The following ZCCHC2 variants were observed in gnomAD, a reference collection of about 807,000 sequenced individuals.
The protein encoded by ZCCHC2 is zinc finger CCHC-type containing 2.
Under a neutral mutation model 103.6 loss-of-function variants are expected in ZCCHC2, and 39 were observed. The observed-to-expected ratio is 0.38, with a 90% confidence interval of 0.29 to 0.49. The LOEUF (loss-of-function observed/expected upper bound fraction) is 0.49, where lower values mean the gene tolerates loss of function less well. Among genes scored for constraint, ZCCHC2 ranks in the 20% least tolerant of loss-of-function variants. ZCCHC2 has a pLI of 0.96. For synonymous variants in ZCCHC2, 687 were observed against 608.9 expected (o/e 1.13, Z -1.89); for missense variants, 1,483 against 1,491.0 (o/e 0.99, Z 0.09).
chr18:62,538,343 A>G (rs1915023284), intron 1 of ZCCHC2, among the ~76,000 whole-genome samples: 1 of 151,920 alleles, frequency 6.6e-6, no homozygotes, highest in African/African-American at 2.4e-5. Context: ...AGAGGATTAT[A>G]TAGCACTTTA....
intron 5 of ZCCHC2, among the ~76,000 whole-genome samples, chr18:62,553,711 T>C (rs1915763864): frequency 6.6e-6 from 1 of 152,238 alleles, no homozygotes; most frequent in Non-Finnish European, 1.5e-5. Context: ...ATCTCCCACC[T>C]GAGCAGACTC....
At chr18:62,525,999 T>TG in intron 1 of ZCCHC2, 1 of 152,364 alleles carries the variant, frequency 6.6e-6, no homozygotes, top group East Asian at 1.9e-4. Context: ...TGTCCCACAG[T>TG]GGAACCTCAT....
At chr18:62,534,569 T>C (rs2145490384) in intron 1 of ZCCHC2, among the ~76,000 whole-genome samples, 1 of 152,308 alleles carries the variant, frequency 6.6e-6, no homozygotes, top group Non-Finnish European at 1.5e-5. Context: ...GGAAAGATAA[T>C]TAAACTTTGG....
intron 5 of ZCCHC2, among the ~76,000 whole-genome samples, chr18:62,555,871 G>C (rs1361588997): frequency 6.6e-6 from 1 of 152,010 alleles, no homozygotes; most frequent in Non-Finnish European, 1.5e-5. Flanking sequence ...TAAAGAAATT[G>C]CAGTTGTTTT....
chr18:62,540,647 T>TTATTTTTACTTCA (rs1315742138), intron 2 of ZCCHC2, among the ~76,000 whole-genome samples: 1 of 152,122 alleles, frequency 6.6e-6, no homozygotes, highest in Non-Finnish European at 1.5e-5. Context: ...TAACCTGAAG[T>TTATTTTTACTTCA]GGAGTTGGTT....
At chr18:62,525,059 C>T (rs1037444262) in intron 1 of ZCCHC2, 1 of 151,978 alleles carries the variant, frequency 6.6e-6, no homozygotes, top group African/African-American at 2.4e-5. Context: ...GGAGAGAAAC[C>T]TTTTCTAGCG....
intron 4 of ZCCHC2, among the ~76,000 whole-genome samples, chr18:62,546,265 T>C (rs1915404300): frequency 6.6e-6 from 1 of 152,148 alleles, no homozygotes; most frequent in Non-Finnish European, 1.5e-5. Flanking sequence ...AAGAGTGGCC[T>C]AGACCGGGGC....
At chr18:62,547,312 C>T (rs1368230279) in intron 4 of ZCCHC2, among the ~76,000 whole-genome samples, 1 of 134,678 alleles carries the variant, frequency 7.4e-6, no homozygotes, top group Non-Finnish European at 1.6e-5. Context: ...GCGACAAGAG[C>T]AAAACTCCAT....
In ZCCHC2 at chr18:62,524,087, C is replaced by T; in HGVS notation, c.663C>T (p.Arg221=). Residue 221 remains arginine (R), a synonymous_variant, in exon 1 of 14, where the codon CGC becomes CGT. Coordinates refer to ENST00000269499, the MANE Select transcript of ZCCHC2 (RefSeq NM_017742.6). The part of the protein sequence containing the change: ...EGSRGGAEDE[R]GEDGDGEQDA... Reference sequence around the variant, plus strand: ...CGCGGGGCGGCGCGGAGGACGAGCGCGGCGAGGACGGCGACGGCGAGCAGG... The same window carrying T: ...CGCGGGGCGGCGCGGAGGACGAGCGTGGCGAGGACGGCGACGGCGAGCAGG... 5 of 1,513,698 alleles carry T rather than the reference C, an allele frequency of 3.3e-6. No homozygotes were observed. The South Asian group carries it at 3.7e-5, about 11-fold the overall frequency. The allele number at this position is 1,513,698 out of a possible 1,614,324, so 93.8% of individuals were successfully genotyped here. A position where few individuals can be genotyped will look rare whatever the true frequency, so the allele number is the denominator to read the frequency against.
chr18:62,571,920 CT>C (rs1317863610), intron 12 of ZCCHC2, among the ~76,000 whole-genome samples: 1 of 152,196 alleles, frequency 6.6e-6, no homozygotes, highest in Non-Finnish European at 1.5e-5. Context: ...TTTGCAGTTA[CT>C]TTGTAGTCAT....
In ZCCHC2 at chr18:62,523,323, G is replaced by C. The variant is rs1914134172; in HGVS notation, c.-102G>C. On this transcript the variant is annotated 5_prime_UTR_variant, in exon 1 of 14. Coordinates refer to ENST00000269499, the MANE Select transcript of ZCCHC2 (RefSeq NM_017742.6). ...CCGGCCCTCCCCCGGCGGCATGGAG[G>C]GGCCCCGCTCCTGACGGCCGCGCCG... 1.0e-6 allele frequency: 1 copy of C among 982,820 alleles called. No homozygotes were observed. The highest frequency in any genetic ancestry group is 1.8e-5 in the African/African-American group (1 of 56,636). The allele number at this position is 982,820 out of a possible 1,614,324, so 60.9% of individuals were successfully genotyped here. A position where few individuals can be genotyped will look rare whatever the true frequency, so the allele number is the denominator to read the frequency against.
intron 1 of ZCCHC2, among the ~76,000 whole-genome samples, chr18:62,537,405 A>G (rs1054531474): frequency 6.6e-6 from 1 of 152,104 alleles, no homozygotes; most frequent in Non-Finnish European, 1.5e-5. Flanking sequence ...TACTTGCCTT[A>G]TGTGATCCTC....
chr18:62,530,515 TG>T (rs1292345525), intron 1 of ZCCHC2, among the ~76,000 whole-genome samples: 3 of 152,182 alleles, frequency 2.0e-5, no homozygotes, highest in African/African-American at 2.4e-5. Context: ...GAATATGGTT[TG>T]TTTTTTTTTT....
chr18:62,572,405 A>G (rs1221907493), intron 12 of ZCCHC2, among the ~76,000 whole-genome samples: 1 of 152,182 alleles, frequency 6.6e-6, no homozygotes, highest in African/African-American at 2.4e-5. Flanking sequence ...CTGCCATCAG[A>G]TGGCACAAGT....
chr18:62,585,099 A>G (rs1171519115), exon 15 of ZCCHC2: 1 of 152,220 alleles, frequency 6.6e-6, no homozygotes, highest in Non-Finnish European at 1.5e-5. Context: ...CTCTCGAAGG[A>G]TTTGAGGACG....
chr18:62,525,960 A>G (rs1914370840), intron 1 of ZCCHC2: 1 of 152,242 alleles, frequency 6.6e-6, no homozygotes, highest in South Asian at 2.1e-4. Context: ...TATTGTAAAG[A>G]TAGCCTTAAA....
At chr18:62,570,263 A>G (rs1319490745) in intron 12 of ZCCHC2, 32 bp downstream of exon 12, 3 of 1,605,880 alleles carry the variant, frequency 1.9e-6, no homozygotes, top group Non-Finnish European at 2.6e-6. Context: ...TATTGTTGGC[A>G]TGGCAGGGGT....
chr18:62,527,382 T>TA (rs1328048927), intron 1 of ZCCHC2, among the ~76,000 whole-genome samples: 2 of 152,200 alleles, frequency 1.3e-5, no homozygotes, highest in Non-Finnish European at 2.9e-5. Context: ...ATGCCATGGT[T>TA]ACAATGTTAA....
chr18:62,541,006 C>A (rs1915148786), intron 2 of ZCCHC2, among the ~76,000 whole-genome samples: 2 of 152,186 alleles, frequency 1.3e-5, no homozygotes, highest in African/African-American at 2.4e-5. Flanking sequence ...AACCCAAGAT[C>A]CCCTACCCTT....
Sources: gnomAD v4.1 joint callset for allele counts (sites outside exome capture counted in the v4.1 genomes callset) on GRCh38, gnomAD v4.1.1 for gene constraint, MANE v1.5 for transcripts, NCBI Gene and HGNC (gene_info 2026-07-23, HGNC 2026-07-21) for gene names.